The following MBNL1 variants were observed in gnomAD, a reference collection of about 807,000 sequenced individuals.
MBNL1 encodes muscleblind-like protein 1.
Under a neutral mutation model 42.2 loss-of-function variants are expected in MBNL1, and 8 were observed. That is an observed-to-expected ratio of 0.19 (90% CI 0.11 to 0.34). The LOEUF (loss-of-function observed/expected upper bound fraction) is 0.34, where lower values mean the gene tolerates loss of function less well. Ranked by LOEUF, MBNL1 falls within the 10% of genes least tolerant of loss-of-function variation. MBNL1 has a pLI of 1.00. For synonymous variants in MBNL1, 169 were observed against 173.9 expected (o/e 0.97, Z 0.22); for missense variants, 309 against 495.3 (o/e 0.62, Z 3.57).
intron 2 of MBNL1, among the ~76,000 whole-genome samples, chr3:152,380,098 T>G (rs1371861325): frequency 6.6e-6 from 1 of 152,114 alleles, no homozygotes; most frequent in African/African-American, 2.4e-5. Flanking sequence ...TTGTATAACC[T>G]TGTGATGAAG....
chr3:152,387,986 A>G (rs2097523828), intron 2 of MBNL1, among the ~76,000 whole-genome samples: 1 of 152,190 alleles, frequency 6.6e-6, no homozygotes. Context: ...AAAAATAAAG[A>G]TTAGATGGCC....
intron 2 of MBNL1, among the ~76,000 whole-genome samples, chr3:152,387,402 C>T (rs2097494008): frequency 6.6e-6 from 1 of 151,980 alleles, no homozygotes; most frequent in South Asian, 2.1e-4. Flanking sequence ...TGTCTACATT[C>T]AAGACTTAAA....
At chr3:152,339,691 AT>A (rs1189662347) in intron 2 of MBNL1, 1 of 152,164 alleles carries the variant, frequency 6.6e-6, no homozygotes, top group East Asian at 1.9e-4. Context: ...GAGCCCTTTA[AT>A]TTCAATGGCC....
chr3:152,285,716 G>A (rs557502808), intron 1 of MBNL1, among the ~76,000 whole-genome samples: 7 of 146,342 alleles, frequency 4.8e-5, no homozygotes, highest in South Asian at 4.3e-4. Context: ...GTGGCCTCCC[G>A]GGCTCAAACA....
intron 1 of MBNL1, among the ~76,000 whole-genome samples, chr3:152,272,990 C>T (rs35650976): frequency 0.31 from 47,726 of 151,996 alleles, 7,872 homozygotes; most frequent in East Asian, 0.53. Context: ...GTGGATTCTT[C>T]GTGGGGAGGT....
chr3:152,298,576 C>T (rs1401747450), intron 1 of MBNL1, among the ~76,000 whole-genome samples: 1 of 152,226 alleles, frequency 6.6e-6, no homozygotes, highest in Admixed American at 6.5e-5. Context: ...TCCTTATTTT[C>T]CCCACATGAC....
chr3:152,385,740 C>T (rs1344319640), intron 2 of MBNL1, among the ~76,000 whole-genome samples: 1 of 151,980 alleles, frequency 6.6e-6, no homozygotes, highest in African/African-American at 2.4e-5. Context: ...GTGGTGCAAT[C>T]TGGAAAATAC....
intron 3 of MBNL1, among the ~76,000 whole-genome samples, chr3:152,424,741 G>T (rs919926722): frequency 6.6e-6 from 1 of 152,060 alleles, no homozygotes; most frequent in African/African-American, 2.4e-5. Flanking sequence ...TAGACCATTG[G>T]AACAGAACAG....
chr3:152,385,916 G>T (rs2097396296), intron 2 of MBNL1, among the ~76,000 whole-genome samples: 1 of 151,954 alleles, frequency 6.6e-6, no homozygotes, highest in African/African-American at 2.4e-5. Context: ...TGGTCATCTG[G>T]CTGAAGTCTA....
At chr3:152,290,122 C>T (rs941091073) in intron 1 of MBNL1, among the ~76,000 whole-genome samples, 1 of 151,952 alleles carries the variant, frequency 6.6e-6, no homozygotes, top group African/African-American at 2.4e-5. Context: ...GAGGTTATCA[C>T]ACCAGGTTTA....
chr3:152,258,321 G>A (rs959555154), intron 2 of MBNL1, among the ~76,000 whole-genome samples: 1 of 152,140 alleles, frequency 6.6e-6, no homozygotes, highest in African/African-American at 2.4e-5. Context: ...ATTCCACAAG[G>A]TAGACATTTT....
At chr3:152,368,735 T>C (rs1218719999) in intron 2 of MBNL1, among the ~76,000 whole-genome samples, 1 of 152,222 alleles carries the variant, frequency 6.6e-6, no homozygotes, top group Admixed American at 6.5e-5. Flanking sequence ...TTCACATTCC[T>C]TGTAAGTTAT....
chr3:152,308,063 A>G (rs16864160), intron 2 of MBNL1, among the ~76,000 whole-genome samples: 2,284 of 152,332 alleles, frequency 0.015, 52 homozygotes, highest in African/African-American at 0.052. Flanking sequence ...ATAAAAAGCC[A>G]TATTCAAAAG....
chr3:152,400,425 G>A (rs902149662), intron 2 of MBNL1, among the ~76,000 whole-genome samples: 1 of 152,110 alleles, frequency 6.6e-6, no homozygotes, highest in Non-Finnish European at 1.5e-5. Flanking sequence ...CCCTTGATGG[G>A]TGATAAGAAA....
intron 2 of MBNL1, among the ~76,000 whole-genome samples, chr3:152,252,604 A>G (rs893710845): frequency 1.3e-4 from 20 of 152,034 alleles, no homozygotes; most frequent in Non-Finnish European, 2.6e-4. Flanking sequence ...CATCTCTTCA[A>G]TCTACATTTA....
intron 2 of MBNL1, among the ~76,000 whole-genome samples, chr3:152,391,673 A>T (rs1269670551): frequency 1.3e-5 from 2 of 152,244 alleles, no homozygotes; most frequent in Non-Finnish European, 1.5e-5. Flanking sequence ...TGCTAAACAC[A>T]TGTGAGACAT....
At chr3:152,390,575 T>C (rs1394923890) in intron 2 of MBNL1, among the ~76,000 whole-genome samples, 5 of 151,660 alleles carry the variant, frequency 3.3e-5, no homozygotes, top group Non-Finnish European at 7.4e-5. Context: ...AATCATTTAT[T>C]ATCATGTATT....
At chr3:152,310,143 G>C (rs958835234) in intron 2 of MBNL1, among the ~76,000 whole-genome samples, 1 of 152,150 alleles carries the variant, frequency 6.6e-6, no homozygotes, top group South Asian at 2.1e-4. Flanking sequence ...AAGACTATAC[G>C]TGCTTGTATT....
At chr3:152,297,749 C>T (rs1385141563) in intron 1 of MBNL1, among the ~76,000 whole-genome samples, 7 of 152,100 alleles carry the variant, frequency 4.6e-5, no homozygotes, top group East Asian at 3.9e-4. Flanking sequence ...TTCCGCCTCC[C>T]GGGTTCAAGT....
Sources: allele counts gnomAD v4.1 joint callset (sites outside exome capture counted in the v4.1 genomes callset), GRCh38; gene constraint gnomAD v4.1.1; transcripts MANE v1.5; gene names NCBI Gene and HGNC (gene_info 2026-07-23, HGNC 2026-07-21).